The following MS4A4A variants were observed in gnomAD, a reference collection of about 807,000 sequenced individuals.
MS4A4A encodes membrane-spanning 4-domains subfamily A member 4A.
In MS4A4A, 26 loss-of-function variants were observed where a neutral mutation model predicts 28.0. That is an observed-to-expected ratio of 0.93 (90% CI 0.68 to 1.29). The LOEUF (loss-of-function observed/expected upper bound fraction) is 1.29. MS4A4A is among the 50% of genes most tolerant of loss of function. The pLI is 0.00. For synonymous variants in MS4A4A, 86 were observed against 100.8 expected, an observed-to-expected ratio of 0.85 and a Z score of 0.88; for missense variants, 290 against 293.1, an observed-to-expected ratio of 0.99 and a Z score of 0.08.
rs1847828484 is a variant in MS4A4A, at chr11:60,302,710, T to A, written c.539T>A (p.Ile180Asn). ...NSNNCHGTMS[I>N]LMGLDGMVLL... ...AATAATTGTCATGGGACTATGTCCATCTTAATGGTTGGTACTGCCTCTTTT... is the reference window on the plus strand; with the variant it reads ...AATAATTGTCATGGGACTATGTCCAACTTAATGGTTGGTACTGCCTCTTTT... The change falls in exon 5 of 7, where the codon ATC (isoleucine) becomes AAC (asparagine). Residue 180 changes from isoleucine (I) to asparagine (N), a missense_variant. Transcript: ENST00000337908. 6.2e-7 allele frequency: 1 copy of A among 1,613,456 alleles called. No individual in the cohort carries two copies. Among genetic ancestry groups the A allele is most frequent in the Admixed American group, 1.7e-5 (1 of 59,998 alleles).
At chr11:60,301,756 T>G (rs2084954133) in intron 4 of MS4A4A, among the ~76,000 whole-genome samples, 1 of 152,106 alleles carries the variant, frequency 6.6e-6, no homozygotes, top group African/African-American at 2.4e-5. Context: ...TTTAGTTCTT[T>G]TTTGTTTGTT....
intron 1 of MS4A4A, among the ~76,000 whole-genome samples, chr11:60,289,542 TG>T (rs1484433576): frequency 6.6e-6 from 1 of 151,862 alleles, no homozygotes; most frequent in East Asian, 1.9e-4. Context: ...TTACTTTAGT[TG>T]GAATGCATTT....
At chr11:60,285,646 G>A (rs562732780) in intron 1 of MS4A4A, among the ~76,000 whole-genome samples, 47 of 152,272 alleles carry the variant, frequency 3.1e-4, no homozygotes, top group African/African-American at 8.9e-4. Flanking sequence ...AGCAGGCACC[G>A]TGATGCCCCC....
chr11:60,282,980 T>G (rs1414442986), intron 1 of MS4A4A, among the ~76,000 whole-genome samples: 1 of 152,158 alleles, frequency 6.6e-6, no homozygotes, highest in Admixed American at 6.6e-5. Context: ...AAAAATAGAA[T>G]AATGGCTTGC....
chr11:60,289,572 G>A (rs1372694774), intron 1 of MS4A4A, among the ~76,000 whole-genome samples: 2 of 126,690 alleles, frequency 1.6e-5, no homozygotes, highest in East Asian at 4.4e-4. Flanking sequence ...ATTGTTTTGG[G>A]GAGTGTGTGT....
chr11:60,294,892 A>ACTTCTTCCTCTTCTT (rs1554993356), intron 2 of MS4A4A, among the ~76,000 whole-genome samples: 1 of 130,846 alleles, frequency 7.6e-6, no homozygotes, highest in Non-Finnish European at 1.7e-5. Context: ...TACAACTACT[A>ACTTCTTCCTCTTCTT]CTTCTTCTTC....
intron 5 of MS4A4A, chr11:60,305,729 G>T (rs1371347723): frequency 6.0e-6 from 1 of 166,988 alleles, no homozygotes; most frequent in African/African-American, 2.4e-5. Flanking sequence ...TAGATTCTCT[G>T]CTTACAATTA....
intron 1 of MS4A4A, among the ~76,000 whole-genome samples, chr11:60,290,689 CTAAAGT>C (rs1460987488): frequency 6.6e-6 from 1 of 151,524 alleles, no homozygotes; most frequent in Non-Finnish European, 1.5e-5. Context: ...ATATACATTA[CTAAAGT>C]TAAATTAATG....
chr11:60,290,765 C>T (rs1304090581), intron 1 of MS4A4A, among the ~76,000 whole-genome samples: 2 of 151,358 alleles, frequency 1.3e-5, no homozygotes, highest in African/African-American at 4.9e-5. Context: ...TGAAATTCAC[C>T]CCCCTTCTTC....
chr11:60,306,803 G>A (rs955297088), intron 6 of MS4A4A, among the ~76,000 whole-genome samples: 24 of 152,146 alleles, frequency 1.6e-4, no homozygotes, highest in African/African-American at 5.6e-4. Flanking sequence ...ACAATGAAGA[G>A]GTCCCCAAAA....
rs890929941 is a variant in MS4A4A, at chr11:60,300,594, C to T, written c.331-407C>T. Among the ~76,000 whole-genome samples the T allele has an allele frequency of 5.7e-5, 7 of 122,908 alleles. No individual in the cohort carries two copies. The Admixed American group carries it at 6.1e-4, about 11-fold the overall frequency. The allele number at this position is 122,908 out of a possible 152,430, so 80.6% of individuals were successfully genotyped here. The stretch of plus-strand genomic sequence containing the variant: ...TTGCCCCACTGCACTCCAGCCTGGG[C>T]GACAGAGCGAGACTCCGTCTCAAAA... On this transcript the variant is annotated intron_variant, in intron 3 of 6. Coordinates refer to ENST00000337908, the MANE Select transcript of MS4A4A (RefSeq NM_148975.3).
chr11:60,292,499 G>A (rs1046265310), intron 2 of MS4A4A, 115 bp downstream of exon 2: 23 of 1,063,590 alleles, frequency 2.2e-5, no homozygotes, highest in South Asian at 6.4e-5. Context: ...CCCTCACGAC[G>A]TCAGTAATTA....
chr11:60,283,046 T>A (rs1015810944), intron 1 of MS4A4A, among the ~76,000 whole-genome samples: 19 of 152,108 alleles, frequency 1.2e-4, no homozygotes, highest in African/African-American at 4.6e-4. Flanking sequence ...AGGATTAGAA[T>A]GAGATTGATT....
At chr11:60,307,469 G>A (rs2085013698) in intron 6 of MS4A4A, among the ~76,000 whole-genome samples, 1 of 152,150 alleles carries the variant, frequency 6.6e-6, no homozygotes, top group Non-Finnish European at 1.5e-5. Flanking sequence ...GGACATGGAG[G>A]CAAACTCTTT....
chr11:60,305,856 A>T, intron 5 of MS4A4A: 1 of 469,476 alleles, frequency 2.1e-6, no homozygotes, highest in Non-Finnish European at 3.8e-6. Context: ...TTCATCTTCC[A>T]TGCCCACAAT....
rs568451472 is a variant in MS4A4A, at chr11:60,303,405, A to G, written c.546+688A>G. Among the ~76,000 whole-genome samples, 18 of 152,246 alleles carry G rather than the reference A, an allele frequency of 1.2e-4. No homozygotes were observed. The South Asian group carries it at 3.7e-3, about 32-fold the overall frequency. ...ACAGCAGACTAAAATGCACAATTAA[A>G]TCTTTATTATTAAAAAGCCTGGCAG... On this transcript the variant is annotated intron_variant, in intron 5 of 6. Transcript: ENST00000337908.
intron 1 of MS4A4A, among the ~76,000 whole-genome samples, chr11:60,281,750 C>A (rs534712546): frequency 8.5e-5 from 13 of 152,186 alleles, no homozygotes; most frequent in African/African-American, 2.9e-4. Flanking sequence ...GTGACTGGGG[C>A]CAATAGAAGA....
chr11:60,306,782 G>A (rs1303560586), intron 6 of MS4A4A, among the ~76,000 whole-genome samples: 1 of 152,154 alleles, frequency 6.6e-6, no homozygotes, highest in Non-Finnish European at 1.5e-5. Flanking sequence ...ATCCAGATAT[G>A]AGGATATTTC....
chr11:60,287,943 G>T (rs1565143437), intron 1 of MS4A4A, among the ~76,000 whole-genome samples: 1 of 152,188 alleles, frequency 6.6e-6, no homozygotes, highest in Non-Finnish European at 1.5e-5. Context: ...CCTAAATCCT[G>T]GGGACACTGA....
Sources: allele counts gnomAD v4.1 joint callset (sites outside exome capture counted in the v4.1 genomes callset), GRCh38; gene constraint gnomAD v4.1.1; transcripts MANE v1.5; gene names NCBI Gene and HGNC (gene_info 2026-07-23, HGNC 2026-07-21).